SLC39A11: variants seen among roughly 807,000 people sequenced by gnomAD.
SLC39A11 encodes the protein zinc transporter ZIP11.
SLC39A11 carries 33 observed loss-of-function variants against 36.1 expected under a neutral mutation model. That is an observed-to-expected ratio of 0.91 (90% confidence interval 0.69 to 1.22). The LOEUF (loss-of-function observed/expected upper bound fraction) is 1.22, where lower values mean the gene tolerates loss of function less well. Ranked by LOEUF, SLC39A11 falls within the 50% of genes most tolerant of loss-of-function variation. The pLI is 0.00. For missense variants in SLC39A11, 432 were observed against 430.3 expected, an observed-to-expected ratio of 1.00 and a Z score of -0.03; for synonymous variants, 166 against 170.3, an observed-to-expected ratio of 0.97 and a Z score of 0.20.
chr17:72,848,966 G>C (rs528308451), intron 6 of SLC39A11, among the ~76,000 whole-genome samples: 1 of 152,264 alleles, frequency 6.6e-6, no homozygotes, highest in Non-Finnish European at 1.5e-5. Flanking sequence ...ATAACCTGCT[G>C]TTGACCAGAA....
rs372789578 is a variant in SLC39A11, at chr17:72,938,940, T to C, written c.430+8812A>G. Among the ~76,000 whole-genome samples, 45 of 152,352 alleles carry C rather than the reference T, an allele frequency of 3.0e-4. 2 individuals are homozygous for C. The highest frequency in any genetic ancestry group is 1.0e-3 in the African/African-American group (43 of 41,586). ...AAACAAAGCACCCCAGCAGCTGCTC[T>C]AAGGGCTCCAGATGAATTAAGTGGA... is the stretch of plus-strand genomic sequence containing the variant. On this transcript the variant is annotated intron_variant, in intron 5 of 9. Transcript: ENST00000255559.
chr17:72,664,763 A>G (rs4793297), intron 7 of SLC39A11, among the ~76,000 whole-genome samples: 126,051 of 152,254 alleles, frequency 0.83, 52,512 homozygotes, highest in African/African-American at 0.93. Flanking sequence ...TTACACATTC[A>G]TGCCCTCCGT....
chr17:72,934,031 GA>G (rs909167399), intron 5 of SLC39A11, among the ~76,000 whole-genome samples: 104 of 141,294 alleles, frequency 7.4e-4, no homozygotes, highest in Admixed American at 5.0e-3. Flanking sequence ...ACATCCATAT[GA>G]AAAAAAAAAA....
At chr17:73,076,208 CAAT>C (rs913390980) in intron 3 of SLC39A11, among the ~76,000 whole-genome samples, 85 of 146,800 alleles carry the variant, frequency 5.8e-4, no homozygotes, top group African/African-American at 2.0e-3. Context: ...GAGAGAAAGA[CAAT>C]GATTACTAGA....
At chr17:72,836,446 T>C (rs1411988361) in intron 6 of SLC39A11, among the ~76,000 whole-genome samples, 2 of 151,852 alleles carry the variant, frequency 1.3e-5, no homozygotes, top group Non-Finnish European at 2.9e-5. Context: ...GCTCAAGCGA[T>C]TCTCCTGCCT....
chr17:72,726,940 C>T (rs1039430049), intron 7 of SLC39A11, among the ~76,000 whole-genome samples: 7 of 152,146 alleles, frequency 4.6e-5, no homozygotes, highest in Admixed American at 3.3e-4. Context: ...GTAGCTGGTC[C>T]GGTCATATCT....
intron 5 of SLC39A11, among the ~76,000 whole-genome samples, chr17:72,909,105 T>C (rs1291547919): frequency 3.3e-5 from 5 of 152,324 alleles, no homozygotes; most frequent in Non-Finnish European, 5.9e-5. Context: ...AAAATCTTTT[T>C]GTTTTGTTGT....
At chr17:72,929,987 T>C (rs1029673899) in intron 5 of SLC39A11, among the ~76,000 whole-genome samples, 3 of 152,210 alleles carry the variant, frequency 2.0e-5, no homozygotes, top group Admixed American at 2.0e-4. Context: ...GGATCCAAAG[T>C]AGAGGCATGG....
intron 7 of SLC39A11, among the ~76,000 whole-genome samples, chr17:72,661,039 A>T (rs2070388825): frequency 1.3e-5 from 2 of 152,226 alleles, no homozygotes; most frequent in South Asian, 4.1e-4. Flanking sequence ...GATCTCACGC[A>T]TCTCATTTGA....
At chr17:72,741,162 G>A (rs1292233741) in intron 6 of SLC39A11, among the ~76,000 whole-genome samples, 1 of 152,072 alleles carries the variant, frequency 6.6e-6, no homozygotes, top group Non-Finnish European at 1.5e-5. Context: ...CAGTAGTACA[G>A]TGGGCTGTAG....
chr17:72,799,514 A>G (rs899595190), intron 6 of SLC39A11, among the ~76,000 whole-genome samples: 1 of 152,148 alleles, frequency 6.6e-6, no homozygotes, highest in African/African-American at 2.4e-5. Flanking sequence ...GATATTGCTA[A>G]ATTCTTTTCC....
At chr17:72,930,620 C>T (rs1288315838) in intron 5 of SLC39A11, among the ~76,000 whole-genome samples, 1 of 152,188 alleles carries the variant, frequency 6.6e-6, no homozygotes, top group African/African-American at 2.4e-5. Flanking sequence ...GTTAATAACT[C>T]TAATCAAGCA....
At chr17:73,017,379 CA>C (rs1228931537) in intron 4 of SLC39A11, among the ~76,000 whole-genome samples, 6 of 152,148 alleles carry the variant, frequency 3.9e-5, no homozygotes, top group Non-Finnish European at 7.4e-5. Context: ...TTCCAAACTG[CA>C]GCATAAAGAA....
intron 3 of SLC39A11, among the ~76,000 whole-genome samples, chr17:73,036,935 A>G (rs1031738472): frequency 6.6e-6 from 1 of 152,052 alleles, no homozygotes; most frequent in Non-Finnish European, 1.5e-5. Flanking sequence ...CACTGTCTCT[A>G]TAGTTTTGCC....
chr17:73,006,154 A>T (rs1406428584), intron 4 of SLC39A11, among the ~76,000 whole-genome samples: 1 of 152,188 alleles, frequency 6.6e-6, no homozygotes, highest in Non-Finnish European at 1.5e-5. Context: ...CACATGGATA[A>T]GGGTGGCGTC....
At chr17:73,036,555 T>C (rs144627756) in intron 3 of SLC39A11, among the ~76,000 whole-genome samples, 111 of 152,330 alleles carry the variant, frequency 7.3e-4, no homozygotes, top group African/African-American at 2.6e-3. Context: ...CAAGTAATTC[T>C]CTTGCCTCAG....
intron 5 of SLC39A11, among the ~76,000 whole-genome samples, chr17:72,941,626 AAC>A (rs2085104866): frequency 6.6e-6 from 1 of 151,648 alleles, no homozygotes; most frequent in Admixed American, 6.6e-5. Context: ...GGCCAAATAG[AAC>A]ACTCTTCAGA....
intron 4 of SLC39A11, among the ~76,000 whole-genome samples, chr17:72,994,804 C>T (rs1443731739): frequency 6.6e-6 from 1 of 152,118 alleles, no homozygotes; most frequent in African/African-American, 2.4e-5. Context: ...AAATCAAATG[C>T]CCTATACGGA....
chr17:72,860,887 C>A (rs946251187), intron 5 of SLC39A11, among the ~76,000 whole-genome samples: 2 of 152,108 alleles, frequency 1.3e-5, no homozygotes, highest in African/African-American at 4.8e-5. Flanking sequence ...ATACCCTCTG[C>A]GCCTCAGTTT....
Sources: gnomAD v4.1 joint callset for allele counts (sites outside exome capture counted in the v4.1 genomes callset) on GRCh38, gnomAD v4.1.1 for gene constraint, MANE v1.5 for transcripts, NCBI Gene and HGNC (gene_info 2026-07-23, HGNC 2026-07-21) for gene names.